Variants in EHHADH observed in about 807,000 individuals in gnomAD.
EHHADH encodes enoyl-CoA hydratase and 3-hydroxyacyl CoA dehydrogenase.
In EHHADH, 48 loss-of-function variants were observed where a neutral mutation model predicts 64.4. The observed-to-expected ratio is 0.75, with a 90% confidence interval of 0.59 to 0.95. The LOEUF is 0.95. Among genes scored for constraint, EHHADH ranks in the 40% least tolerant of loss-of-function variants. The probability of loss-of-function intolerance (pLI) is 0.00; values close to 1 mark genes in which losing one functional copy is unlikely to be tolerated. For missense variants in EHHADH, 854 were observed against 876.6 expected, an observed-to-expected ratio of 0.97 and a Z score of 0.33; for synonymous variants, 308 against 326.7, an observed-to-expected ratio of 0.94 and a Z score of 0.62.
chr3:185,228,260 A>ATATATATG (rs1560016870), intron 4 of EHHADH, among the ~76,000 whole-genome samples: 1 of 29,644 alleles, frequency 3.4e-5, no homozygotes, highest in South Asian at 8.7e-4. Flanking sequence ...AAAAAAAAAT[A>ATATATATG]TATATATATA....
At chr3:185,195,451 A>G (rs1718032588) in intron 6 of EHHADH, among the ~76,000 whole-genome samples, 2 of 152,220 alleles carry the variant, frequency 1.3e-5, no homozygotes, top group African/African-American at 4.8e-5. Flanking sequence ...TTTAGCAGTT[A>G]CTCAAAATGT....
chr3:185,209,741 T>C (rs1718488551), intron 5 of EHHADH, among the ~76,000 whole-genome samples: 1 of 152,232 alleles, frequency 6.6e-6, no homozygotes, highest in African/African-American at 2.4e-5. Flanking sequence ...ATTTTCTTAA[T>C]GCTTGATTAG....
chr3:185,193,622 T>A (rs1717976784), intron 6 of EHHADH, 135 bp from the exon 7 acceptor site: 1 of 1,022,420 alleles, frequency 9.8e-7, no homozygotes, highest in Non-Finnish European at 1.4e-6. Flanking sequence ...ATGGATTGAG[T>A]ACTAGTTAAG....
chr3:185,199,547 C>T (rs915698123), intron 6 of EHHADH, among the ~76,000 whole-genome samples: 19 of 152,312 alleles, frequency 1.2e-4, no homozygotes, highest in East Asian at 1.2e-3. Flanking sequence ...GGCCAAACCC[C>T]GCCCACTGCC....
intron 4 of EHHADH, among the ~76,000 whole-genome samples, chr3:185,227,401 G>GC (rs906414062): frequency 1.3e-5 from 2 of 151,882 alleles, no homozygotes; most frequent in African/African-American, 4.8e-5. Context: ...GCGTGGTGGT[G>GC]CATGCCTGTA....
chr3:185,224,847 C>T (rs1718930541), intron 4 of EHHADH, among the ~76,000 whole-genome samples: 1 of 152,184 alleles, frequency 6.6e-6, no homozygotes, highest in South Asian at 2.1e-4. Context: ...CTTCTGCTTC[C>T]CTCTTATAAG....
At chr3:185,225,477 T>A (rs1718949830) in intron 4 of EHHADH, among the ~76,000 whole-genome samples, 2 of 152,150 alleles carry the variant, frequency 1.3e-5, no homozygotes, top group South Asian at 2.1e-4. Context: ...CAAGCCCCCA[T>A]CATCTCTCCC....
At chr3:185,244,709 T>A (rs1023953119) in intron 2 of EHHADH, among the ~76,000 whole-genome samples, 1 of 152,044 alleles carries the variant, frequency 6.6e-6, no homozygotes, top group Non-Finnish European at 1.5e-5. Flanking sequence ...GAGACTGGAG[T>A]GATGCATCCA....
At chr3:185,218,086 A>C in intron 5 of EHHADH, 50 bp downstream of exon 5, 2 of 1,346,690 alleles carry the variant, frequency 1.5e-6, no homozygotes, top group South Asian at 2.6e-5. Context: ...ATTTAAATGA[A>C]CATGTATCCT....
chr3:185,229,089 T>C (rs2377372), intron 4 of EHHADH, among the ~76,000 whole-genome samples: 121,346 of 152,156 alleles, frequency 0.8, 49,144 homozygotes, highest in Non-Finnish European at 0.87. Context: ...AGCCACTGCG[T>C]GCGGCCTATA....
At chr3:185,235,174 C>T (rs953065328) in intron 3 of EHHADH, 116 bp downstream of exon 3, 6 of 1,026,230 alleles carry the variant, frequency 5.8e-6, no homozygotes, top group Non-Finnish European at 8.2e-6. Flanking sequence ...AGTGAGACTC[C>T]ATCTCAAAAA....
In EHHADH at chr3:185,216,256, C is replaced by T. The variant is rs1718678605; in HGVS notation, c.568+1880G>A. 6.6e-6 allele frequency among the ~76,000 whole-genome samples: 1 copy of T among 152,208 alleles called. No homozygotes were observed. Among genetic ancestry groups the T allele is most frequent in the South Asian group, 2.1e-4 (1 of 4,834 alleles). ...AGGTCTCCTAGATCATGAACCTCAACTATTTCTTGAAGTAACTTAATTCTC... is the reference window on the plus strand; with the variant it reads ...AGGTCTCCTAGATCATGAACCTCAATTATTTCTTGAAGTAACTTAATTCTC... On this transcript the variant is annotated intron_variant, in intron 5 of 6. Transcript: ENST00000231887. The surrounding 1 kb of genome is among the most constrained non-coding windows in gnomAD (Gnocchi z 5.3).
chr3:185,236,450 A>ACCCACCCACTACCCCTGTCCATGG (rs1284189352), intron 2 of EHHADH, among the ~76,000 whole-genome samples: 2 of 150,678 alleles, frequency 1.3e-5, no homozygotes, highest in Non-Finnish European at 2.9e-5. Flanking sequence ...CCTGGTACCA[A>ACCCACCCACTACCCCTGTCCATGG]AAAGGTTGAG....
At chr3:185,208,370 G>T (rs1718453716) in intron 5 of EHHADH, among the ~76,000 whole-genome samples, 1 of 152,158 alleles carries the variant, frequency 6.6e-6, no homozygotes, top group Non-Finnish European at 1.5e-5. Context: ...TTGTAGCTTT[G>T]TTTGAAATCT....
intron 5 of EHHADH, among the ~76,000 whole-genome samples, chr3:185,211,727 C>T (rs1718545795): frequency 6.6e-6 from 1 of 152,164 alleles, no homozygotes; most frequent in South Asian, 2.1e-4. Flanking sequence ...CGTAGGCCTC[C>T]TATGTAAGGC....
At position 185,234,883 on chromosome 3, in the gene EHHADH, T is replaced by G. The variant is rs574223262; in HGVS notation, c.351+407A>C. 8.5e-5 allele frequency among the ~76,000 whole-genome samples: 13 copies of G among 152,284 alleles called. 1 individual carries two copies. In the East Asian group the frequency reaches 2.5e-3, roughly 29 times the overall value. On this transcript the variant is annotated intron_variant, in intron 3 of 6. Coordinates refer to ENST00000231887, the MANE Select transcript of EHHADH (RefSeq NM_001966.4). ...AGTCGTTAACCAGTAAGCTAACCAT[T>G]CAAAATTATCACCTCTGGGCCGGGT...
intron 2 of EHHADH, among the ~76,000 whole-genome samples, chr3:185,244,477 G>C (rs1719542019): frequency 6.6e-6 from 1 of 152,004 alleles, no homozygotes; most frequent in East Asian, 1.9e-4. Context: ...TTTCCATACT[G>C]TCCTTGTCAG....
At chr3:185,196,589 G>A (rs556679031) in intron 6 of EHHADH, among the ~76,000 whole-genome samples, 2 of 152,000 alleles carry the variant, frequency 1.3e-5, no homozygotes, top group East Asian at 1.9e-4. Context: ...GCACTGATCC[G>A]AAATCACGCC....
intron 2 of EHHADH, among the ~76,000 whole-genome samples, chr3:185,242,893 G>T (rs567536559): frequency 6.6e-6 from 1 of 152,332 alleles, no homozygotes; most frequent in Admixed American, 6.5e-5. Flanking sequence ...TTCTAGACTG[G>T]TTCAAATTGT....
Sources: gnomAD v4.1 joint callset for allele counts (sites outside exome capture counted in the v4.1 genomes callset) on GRCh38, gnomAD v4.1.1 for gene constraint, Gnocchi (gnomAD v3.1) non-coding constraint, MANE v1.5 for transcripts, NCBI Gene and HGNC (gene_info 2026-07-23, HGNC 2026-07-21) for gene names.